Variants in CACNA1C observed in about 807,000 individuals in gnomAD.
The protein encoded by CACNA1C is calcium voltage-gated channel subunit alpha1 C, also known as voltage-dependent L-type calcium channel subunit alpha-1C.
In CACNA1C, 30 loss-of-function variants were observed where a neutral mutation model predicts 229.0. That is an observed-to-expected ratio of 0.13 (90% CI 0.10 to 0.18). CACNA1C has a LOEUF of 0.18. CACNA1C is among the 10% of genes least tolerant of loss of function. The pLI, the probability that CACNA1C is intolerant of heterozygous loss-of-function variation, is 1.00. For synonymous variants in CACNA1C, 1,114 were observed against 1,132.5 expected (o/e 0.98, Z 0.33); for missense variants, 1,658 against 2,845.0 (o/e 0.58, Z 9.49).
chr12:2,179,513 G>A (rs1000336663), intron 3 of CACNA1C, among the ~76,000 whole-genome samples: 5 of 152,152 alleles, frequency 3.3e-5, no homozygotes, highest in Admixed American at 6.5e-5. Context: ...TGATTAATAC[G>A]CACCACAGAA....
intron 1 of CACNA1C, among the ~76,000 whole-genome samples, chr12:1,981,165 T>A (rs755256299): frequency 7.2e-5 from 11 of 152,158 alleles, no homozygotes; most frequent in Admixed American, 1.3e-4. Flanking sequence ...CCACTACACA[T>A]ATTAAAGTAA....
intron 3 of CACNA1C, among the ~76,000 whole-genome samples, chr12:2,438,290 A>AGGGTGG (rs1555574306): frequency 8.2e-6 from 1 of 122,526 alleles, no homozygotes; most frequent in African/African-American, 3.4e-5. Context: ...AGTGGTAATG[A>AGGGTGG]TGGTGGTGGT....
At chr12:2,039,234 C>T (rs2049674406) in intron 1 of CACNA1C, among the ~76,000 whole-genome samples, 1 of 152,166 alleles carries the variant, frequency 6.6e-6, no homozygotes, top group Non-Finnish European at 1.5e-5. Flanking sequence ...GTAACAACCT[C>T]CCTTTAAACT....
At chr12:2,626,462 A>G (rs2086616121) in intron 29 of CACNA1C, among the ~76,000 whole-genome samples, 2 of 152,094 alleles carry the variant, frequency 1.3e-5, no homozygotes. Flanking sequence ...CAAAGGAGAG[A>G]TTGCTCCTCC....
intron 9 of CACNA1C, among the ~76,000 whole-genome samples, chr12:2,514,397 C>T (rs1193358576): frequency 1.3e-5 from 2 of 152,162 alleles, no homozygotes; most frequent in Non-Finnish European, 2.9e-5. Context: ...AATGTAGTAA[C>T]CTAAGGAGGC....
intron 2 of CACNA1C, 45 bp downstream of exon 2, chr12:2,115,590 G>A (rs774534044): frequency 3.2e-6 from 5 of 1,583,932 alleles, no homozygotes; most frequent in Admixed American, 3.3e-5. Context: ...GGACCTGCAC[G>A]CTGGGTCCAG....
intron 29 of CACNA1C, among the ~76,000 whole-genome samples, chr12:2,627,276 A>T (rs1346028725): frequency 6.6e-6 from 1 of 152,174 alleles, no homozygotes; most frequent in Non-Finnish European, 1.5e-5. Flanking sequence ...CTTCTCCATT[A>T]GGTGCCACTA....
intron 3 of CACNA1C, among the ~76,000 whole-genome samples, chr12:2,338,173 G>A (rs895499658): frequency 6.6e-6 from 1 of 152,172 alleles, no homozygotes; most frequent in African/African-American, 2.4e-5. Flanking sequence ...GCTACATGGG[G>A]GGAGGAGAGG....
intron 1 of CACNA1C, among the ~76,000 whole-genome samples, chr12:2,077,863 G>A (rs2063806070): frequency 6.6e-6 from 1 of 152,220 alleles, no homozygotes; most frequent in Admixed American, 6.5e-5. Context: ...AAACTCTCGG[G>A]CTGTATCAAC....
chr12:1,993,421 C>A (rs2039976948), intron 1 of CACNA1C: 3 of 1,600,958 alleles, frequency 1.9e-6, no homozygotes, highest in African/African-American at 2.7e-5. Context: ...AGGGGGAAAT[C>A]AATAGACAAA....
intron 21 of CACNA1C, among the ~76,000 whole-genome samples, chr12:2,598,074 G>C (rs1301854280): frequency 6.6e-6 from 1 of 152,242 alleles, no homozygotes; most frequent in African/African-American, 2.4e-5. Context: ...TCTCCCAGCT[G>C]AGGGCTTTTA....
At chr12:2,109,833 G>A (rs1276053719) in intron 1 of CACNA1C, among the ~76,000 whole-genome samples, 1 of 152,092 alleles carries the variant, frequency 6.6e-6, no homozygotes, top group African/African-American at 2.4e-5. Context: ...CTCCCCCATG[G>A]TTACATCCAA....
At chr12:2,455,011 G>A (rs1056936136) in intron 4 of CACNA1C, among the ~76,000 whole-genome samples, 5 of 151,918 alleles carry the variant, frequency 3.3e-5, no homozygotes, top group Admixed American at 6.6e-5. Context: ...AAGGAGCTCC[G>A]TCCCACACGG....
chr12:2,567,973 C>A (rs2052114651), intron 13 of CACNA1C, among the ~76,000 whole-genome samples, 179 bp downstream of exon 13: 1 of 152,138 alleles, frequency 6.6e-6, no homozygotes, highest in African/African-American at 2.4e-5. Context: ...TTTGGAAATT[C>A]CTCTGGCTGC....
rs1307568873 is a variant in CACNA1C at position 2,512,754 on chromosome 12, T to C, written c.1218-58T>C. On this transcript the variant is annotated intron_variant, in intron 8 of 46. Coordinates refer to ENST00000399655, the MANE Select transcript of CACNA1C (RefSeq NM_000719.7). The surrounding 1 kb of genome is among the most constrained non-coding windows in gnomAD (Gnocchi z 4.3). ...TCTCTCCTTCCATCCTCGACCCTTC[T>C]CGGTGCTCCCTCCTTCTCTGTGCTC... 1 of 1,343,178 alleles carries C rather than the reference T, an allele frequency of 7.4e-7. No individual in the cohort carries two copies. Among genetic ancestry groups the C allele is most frequent in the East Asian group, 2.4e-5 (1 of 41,992 alleles). 83.2% of individuals were successfully genotyped at this position (1,343,178 alleles called of 1,614,324 possible).
At chr12:2,402,559 G>A (rs1035475212) in intron 3 of CACNA1C, among the ~76,000 whole-genome samples, 4 of 152,256 alleles carry the variant, frequency 2.6e-5, no homozygotes, top group Non-Finnish European at 5.9e-5. Flanking sequence ...TAACCTCTCT[G>A]AGTCTCAGTA....
chr12:2,634,429 C>A, intron 30 of CACNA1C, 49 bp downstream of exon 30: 1 of 879,372 alleles, frequency 1.1e-6, no homozygotes. Context: ...CTCTAACACT[C>A]ATTTGCCTTT....
intron 3 of CACNA1C, among the ~76,000 whole-genome samples, chr12:2,211,688 T>C (rs535986553): frequency 6.6e-6 from 1 of 151,964 alleles, no homozygotes; most frequent in South Asian, 2.1e-4. Context: ...GCTCCTCCTT[T>C]CTTTCACCTG....
intron 1 of CACNA1C, chr12:1,992,299 T>A (rs754110256): frequency 2.9e-4 from 46 of 156,174 alleles, no homozygotes; most frequent in Non-Finnish European, 5.4e-4. Flanking sequence ...GACAATTATA[T>A]ACAGCATCAT....
Sources: gnomAD v4.1 joint callset for allele counts (sites outside exome capture counted in the v4.1 genomes callset) on GRCh38, gnomAD v4.1.1 for gene constraint, Gnocchi (gnomAD v3.1) non-coding constraint, MANE v1.5 for transcripts, NCBI Gene and HGNC (gene_info 2026-07-23, HGNC 2026-07-21) for gene names.